MTCL1: variants seen among roughly 807,000 people sequenced by gnomAD.
MTCL1 encodes the protein microtubule cross-linking factor 1.
Under a neutral mutation model 141.4 loss-of-function variants are expected in MTCL1, and 79 were observed. The ratio of observed to expected loss-of-function variants is 0.56; its 90% CI spans 0.47 to 0.67. MTCL1 has a LOEUF of 0.67. MTCL1 is among the 30% of genes least tolerant of loss of function. The probability of loss-of-function intolerance (pLI) is 0.00; values close to 1 mark genes in which losing one functional copy is unlikely to be tolerated. For synonymous variants in MTCL1, 914 were observed against 875.8 expected, an observed-to-expected ratio of 1.04 and a Z score of -0.77; for missense variants, 2,177 against 2,113.9, an observed-to-expected ratio of 1.03 and a Z score of -0.59.
chr18:8,806,153 G>C (rs2076289572), intron 10 of MTCL1, among the ~76,000 whole-genome samples: 1 of 152,106 alleles, frequency 6.6e-6, no homozygotes, highest in African/African-American at 2.4e-5. Flanking sequence ...AGAAAAGTGG[G>C]GGCTGATAGT....
exon 17 of MTCL1, chr18:8,831,620 C>A (rs1444403011): frequency 6.4e-7 from 1 of 1,550,554 alleles, no homozygotes; most frequent in Admixed American, 2.0e-5. Flanking sequence ...CTACCTTGTT[C>A]TGCACTAGCT....
At chr18:8,797,079 A>C (rs1271763888) in intron 9 of MTCL1, among the ~76,000 whole-genome samples, 1 of 152,232 alleles carries the variant, frequency 6.6e-6, no homozygotes, top group African/African-American at 2.4e-5. Context: ...GCCCTGGTCC[A>C]TAACTCCGTG....
chr18:8,770,579 G>C (rs1044170696), intron 4 of MTCL1, among the ~76,000 whole-genome samples: 1 of 152,152 alleles, frequency 6.6e-6, no homozygotes, highest in African/African-American at 2.4e-5. Context: ...ACCTAGTTAC[G>C]TCCCAAAGGC....
intron 5 of MTCL1, chr18:8,782,843 A>T (rs1185117606): frequency 1.3e-5 from 2 of 152,290 alleles, no homozygotes. Context: ...TGGACTTCCA[A>T]ACACCTTCAT....
chr18:8,752,093 C>T (rs2096374609), intron 4 of MTCL1, among the ~76,000 whole-genome samples: 1 of 152,100 alleles, frequency 6.6e-6, no homozygotes, highest in Non-Finnish European at 1.5e-5. Flanking sequence ...TGGAAAGGAC[C>T]CCAGAGCTTT....
chr18:8,706,790 C>G (rs1463970358), intron 1 of MTCL1, 77 bp downstream of exon 1: 29 of 1,520,912 alleles, frequency 1.9e-5, no homozygotes, highest in Non-Finnish European at 2.4e-5. Flanking sequence ...GCCAACCCCT[C>G]CTTCCCGGGC....
At chr18:8,825,587 G>T in exon 15 of MTCL1, 1 of 1,613,644 alleles carries the variant, frequency 6.2e-7, no homozygotes, top group Non-Finnish European at 8.5e-7. Context: ...CACCCGTGTC[G>T]TCTCCTTCCC....
At chr18:8,786,361 C>A in intron 7 of MTCL1, 1 of 668,726 alleles carries the variant, frequency 1.5e-6, no homozygotes. Context: ...AGACCGGGAG[C>A]ACCTGGAAGT....
At chr18:8,796,143 T>G in intron 8 of MTCL1, 89 bp from the exon 8 acceptor site, 1 of 1,280,148 alleles carries the variant, frequency 7.8e-7, no homozygotes, top group South Asian at 1.2e-5. Context: ...TGACAGAGAC[T>G]GAGTGGCAGT....
intron 5 of MTCL1, among the ~76,000 whole-genome samples, chr18:8,780,077 C>T (rs1193783463): frequency 2.0e-5 from 3 of 152,144 alleles, no homozygotes; most frequent in Non-Finnish European, 4.4e-5. Flanking sequence ...TAACCTCCAG[C>T]GTGTTTCAGG....
At chr18:8,719,215 G>T (rs16954011) in intron 3 of MTCL1, among the ~76,000 whole-genome samples, 1,763 of 152,262 alleles carry the variant, frequency 0.012, 33 homozygotes, top group African/African-American at 0.04. Flanking sequence ...TTTTCTCTCC[G>T]TGGGCAGCGA....
intron 4 of MTCL1, among the ~76,000 whole-genome samples, chr18:8,753,797 A>G (rs377238321): frequency 6.6e-4 from 100 of 152,266 alleles, no homozygotes; most frequent in African/African-American, 2.3e-3. Flanking sequence ...CCTTGCATTC[A>G]CGACACACCC....
chr18:8,742,347 AAG>A (rs1186789304), intron 4 of MTCL1, among the ~76,000 whole-genome samples: 2 of 152,134 alleles, frequency 1.3e-5, no homozygotes, highest in African/African-American at 4.8e-5. Context: ...GCTGCTAATA[AAG>A]ACGCACCTGA....
At chr18:8,818,233 G>A (rs2076724999) in intron 12 of MTCL1, among the ~76,000 whole-genome samples, 1 of 152,174 alleles carries the variant, frequency 6.6e-6, no homozygotes, top group Non-Finnish European at 1.5e-5. Context: ...CAAGCCACAC[G>A]TTAATGGTTC....
intron 5 of MTCL1, among the ~76,000 whole-genome samples, chr18:8,781,752 A>AC (rs1485178854): frequency 6.6e-6 from 1 of 152,206 alleles, no homozygotes; most frequent in Non-Finnish European, 1.5e-5. Context: ...AGACAGGTTC[A>AC]CCGGGGCTCT....
intron 14 of MTCL1, among the ~76,000 whole-genome samples, chr18:8,823,896 GGACC>G (rs2144445951): frequency 6.6e-6 from 1 of 152,258 alleles, no homozygotes; most frequent in Admixed American, 6.5e-5. Flanking sequence ...ACTCAATCTG[GGACC>G]CCTTCCACAG....
rs956131937 is a variant in MTCL1, at chr18:8,821,650, T to G, written c.3188+152T>G. Reference sequence around the variant, plus strand: ...AGAAGTGGCTGCTTTATTATTCATTTCATAAACATGGTATTTTTGATTATT... The same window carrying G: ...AGAAGTGGCTGCTTTATTATTCATTGCATAAACATGGTATTTTTGATTATT... On this transcript the variant is annotated intron_variant, in intron 14 of 16. Transcript: ENST00000359865. The G allele has an allele frequency of 4.6e-5, 23 of 504,244 alleles. No individual in the cohort carries two copies. The East Asian group carries it at 8.1e-4, about 18-fold the overall frequency. The allele number at this position is 504,244 out of a possible 1,614,324, so 31.2% of individuals were successfully genotyped here. A position where few individuals can be genotyped will look rare whatever the true frequency, so the allele number is the denominator to read the frequency against.
intron 4 of MTCL1, among the ~76,000 whole-genome samples, chr18:8,768,789 CTTTTT>C (rs773958752): frequency 1.7e-5 from 2 of 117,870 alleles, no homozygotes; most frequent in East Asian, 2.6e-4. Context: ...CTTTTCTTCT[CTTTTT>C]TTTTTTTTTT....
At chr18:8,754,014 T>C (rs565298865) in intron 4 of MTCL1, among the ~76,000 whole-genome samples, 1 of 152,348 alleles carries the variant, frequency 6.6e-6, no homozygotes, top group African/African-American at 2.4e-5. Context: ...TTTTATTGCT[T>C]TTCATACAGA....
Sources: allele counts gnomAD v4.1 joint callset (sites outside exome capture counted in the v4.1 genomes callset), GRCh38; gene constraint gnomAD v4.1.1; transcripts MANE v1.5; gene names NCBI Gene and HGNC (gene_info 2026-07-23, HGNC 2026-07-21).